The following DLG2 variants were observed in gnomAD, a reference collection of about 807,000 sequenced individuals.
DLG2 encodes the protein disks large homolog 2.
DLG2 carries 45 observed loss-of-function variants against 132.5 expected under a neutral mutation model. The observed-to-expected ratio is 0.34, with a 90% CI of 0.27 to 0.44. The LOEUF (loss-of-function observed/expected upper bound fraction) is 0.44. Ranked by LOEUF, DLG2 falls within the 20% of genes least tolerant of loss-of-function variation. The pLI is 1.00. For missense variants in DLG2, 1,045 were observed against 1,196.9 expected, an observed-to-expected ratio of 0.87 and a Z score of 1.87; for synonymous variants, 424 against 419.6, an observed-to-expected ratio of 1.01 and a Z score of -0.13.
intron 3 of DLG2, among the ~76,000 whole-genome samples, chr11:85,417,048 T>C (rs2089925381): frequency 6.6e-6 from 1 of 152,196 alleles, no homozygotes; most frequent in South Asian, 2.1e-4. Context: ...CTTCTAGCTT[T>C]TGGCCATTCA....
At chr11:83,627,387 T>C (rs917330735) in intron 19 of DLG2, among the ~76,000 whole-genome samples, 7 of 150,764 alleles carry the variant, frequency 4.6e-5, no homozygotes, top group African/African-American at 1.7e-4. Context: ...CAACAGTCTC[T>C]GGTGTGTGAT....
At chr11:85,088,277 C>A (rs1318910790) in intron 6 of DLG2, among the ~76,000 whole-genome samples, 1 of 152,124 alleles carries the variant, frequency 6.6e-6, no homozygotes, top group Non-Finnish European at 1.5e-5. Context: ...AAAGGTCTTT[C>A]CCAAGAAATG....
At chr11:83,797,890 A>G (rs1045927636) in intron 17 of DLG2, among the ~76,000 whole-genome samples, 2 of 152,166 alleles carry the variant, frequency 1.3e-5, no homozygotes, top group Admixed American at 6.5e-5. Context: ...CCATTTTAGT[A>G]TATTTGACCA....
intron 7 of DLG2, among the ~76,000 whole-genome samples, chr11:84,375,061 C>T (rs944262844): frequency 2.6e-5 from 4 of 152,122 alleles, no homozygotes; most frequent in African/African-American, 9.7e-5. Context: ...AAAGTTACTA[C>T]CTCGAGAAAC....
At chr11:84,855,511 T>C (rs2154025051) in intron 6 of DLG2, among the ~76,000 whole-genome samples, 1 of 152,122 alleles carries the variant, frequency 6.6e-6, no homozygotes. Context: ...CTCAAAACTC[T>C]CCCATATTTC....
intron 6 of DLG2, among the ~76,000 whole-genome samples, chr11:84,963,539 C>T (rs2052896442): frequency 6.6e-6 from 1 of 152,116 alleles, no homozygotes; most frequent in African/African-American, 2.4e-5. Context: ...ATCCTCTTTT[C>T]ATTTAGATTA....
chr11:84,537,205 C>T (rs767457941), intron 6 of DLG2, among the ~76,000 whole-genome samples: 3 of 152,238 alleles, frequency 2.0e-5, no homozygotes, highest in African/African-American at 2.4e-5. Flanking sequence ...TTCCCGAGTT[C>T]GAGCAATTCT....
At chr11:84,555,628 A>C (rs1179583018) in intron 6 of DLG2, among the ~76,000 whole-genome samples, 1 of 152,246 alleles carries the variant, frequency 6.6e-6, no homozygotes, top group Non-Finnish European at 1.5e-5. Context: ...TCACAGAAAC[A>C]GAAAGTAAAA....
At chr11:85,562,153 A>G (rs1455433689) in intron 3 of DLG2, among the ~76,000 whole-genome samples, 2 of 151,808 alleles carry the variant, frequency 1.3e-5, no homozygotes, top group Non-Finnish European at 2.9e-5. Context: ...AAGAATGCCC[A>G]CCTGTGCTGG....
chr11:85,348,039 G>A (rs1362939447), intron 3 of DLG2, among the ~76,000 whole-genome samples: 1 of 130,394 alleles, frequency 7.7e-6, no homozygotes, highest in African/African-American at 2.9e-5. Context: ...GGAGTGGAGT[G>A]CAGTGGCACA....
At position 85,141,596 on chromosome 11, in the gene DLG2, C is replaced by T. The variant is rs558410286; in HGVS notation, c.282+12960G>A. 7.1e-4 allele frequency among the ~76,000 whole-genome samples: 108 copies of T among 151,804 alleles called. 1 individual carries two copies. The highest frequency in any genetic ancestry group is 2.5e-3 in the African/African-American group (102 of 41,528). ...TTTCTATTTATGCTTTGGTTGCCTGCACTTCTGAGGTATTACTCAAGAAAT... is the reference window on the plus strand; with the variant it reads ...TTTCTATTTATGCTTTGGTTGCCTGTACTTCTGAGGTATTACTCAAGAAAT... On this transcript the variant is annotated intron_variant, in intron 5 of 27. Coordinates refer to ENST00000376104, the MANE Select transcript of DLG2 (RefSeq NM_001142699.3).
intron 4 of DLG2, among the ~76,000 whole-genome samples, chr11:85,230,328 C>G (rs1327722506): frequency 6.6e-6 from 1 of 151,406 alleles, no homozygotes; most frequent in African/African-American, 2.4e-5. Flanking sequence ...TTGTGTAGAT[C>G]TAAGTTTATA....
chr11:83,709,804 C>T (rs115258836), intron 18 of DLG2, among the ~76,000 whole-genome samples: 11 of 152,272 alleles, frequency 7.2e-5, no homozygotes, highest in African/African-American at 2.6e-4. Flanking sequence ...TGGCACTTGA[C>T]CTTCCTGGTT....
chr11:84,112,107 G>T (rs901714354), intron 9 of DLG2, among the ~76,000 whole-genome samples: 1 of 151,842 alleles, frequency 6.6e-6, no homozygotes, highest in Non-Finnish European at 1.5e-5. Context: ...CCGCCTCCCG[G>T]GTTCATGCCA....
intron 7 of DLG2, among the ~76,000 whole-genome samples, chr11:84,369,658 A>C (rs1008793614): frequency 6.6e-6 from 1 of 152,186 alleles, no homozygotes; most frequent in Admixed American, 6.6e-5. Flanking sequence ...TTCATGCCAC[A>C]GACATGGTTG....
intron 3 of DLG2, among the ~76,000 whole-genome samples, chr11:85,371,646 G>A (rs768758633): frequency 6.6e-6 from 1 of 152,184 alleles, no homozygotes; most frequent in African/African-American, 2.4e-5. Context: ...CCTTGTCTAT[G>A]CTGTCCCTGT....
At chr11:85,493,701 G>C (rs1188112619) in intron 3 of DLG2, among the ~76,000 whole-genome samples, 1 of 143,932 alleles carries the variant, frequency 6.9e-6, no homozygotes, top group Non-Finnish European at 1.5e-5. Flanking sequence ...GAGGAGAGGG[G>C]AGAGAAAAGG....
At chr11:83,911,156 C>T (rs1353679179) in intron 15 of DLG2, among the ~76,000 whole-genome samples, 1 of 151,588 alleles carries the variant, frequency 6.6e-6, no homozygotes, top group Non-Finnish European at 1.5e-5. Context: ...GTTATGAAAA[C>T]CAAAGAAAGA....
intron 14 of DLG2, among the ~76,000 whole-genome samples, chr11:83,959,013 T>C (rs2087717541): frequency 1.3e-5 from 2 of 152,106 alleles, no homozygotes; most frequent in South Asian, 2.1e-4. Context: ...ACAAAAACAA[T>C]CTCAGTATTG....
Sources: allele counts gnomAD v4.1 joint callset (sites outside exome capture counted in the v4.1 genomes callset), GRCh38; gene constraint gnomAD v4.1.1; transcripts MANE v1.5; gene names NCBI Gene and HGNC (gene_info 2026-07-23, HGNC 2026-07-21).